The following DNAH14 variants were observed in gnomAD, a reference collection of about 807,000 sequenced individuals.
The protein encoded by DNAH14 is dynein axonemal heavy chain 14.
A neutral mutation model predicts 520.9 loss-of-function variants in DNAH14; 478 were observed. That is an observed-to-expected ratio of 0.92 (90% CI 0.85 to 0.99). DNAH14 has a LOEUF of 0.99. Among genes scored for constraint, DNAH14 ranks in the 50% least tolerant of loss-of-function variants. DNAH14 has a pLI of 0.00. For missense variants in DNAH14, 4,831 were observed against 5,234.5 expected (o/e 0.92, Z 2.38); for synonymous variants, 1,581 against 1,757.2 (o/e 0.90, Z 2.51).
intron 81 of DNAH14, among the ~76,000 whole-genome samples, chr1:225,387,403 A>G (rs1455482320): frequency 6.6e-6 from 1 of 152,088 alleles, no homozygotes; most frequent in Admixed American, 6.5e-5. Flanking sequence ...AAATAAATAA[A>G]TAAATAAGAA....
chr1:224,933,022 T>C (rs777013713), intron 1 of DNAH14, among the ~76,000 whole-genome samples: 1 of 152,160 alleles, frequency 6.6e-6, no homozygotes, highest in Non-Finnish European at 1.5e-5. Flanking sequence ...CTTTTGGCAA[T>C]ACGGTCATTT....
intron 55 of DNAH14, among the ~76,000 whole-genome samples, chr1:225,293,399 T>C (rs2093935746): frequency 6.6e-6 from 1 of 152,058 alleles, no homozygotes; most frequent in Non-Finnish European, 1.5e-5. Context: ...CTATTCACAA[T>C]AGCAAAGACA....
At chr1:225,389,050 G>A (rs952384072) in intron 82 of DNAH14, among the ~76,000 whole-genome samples, 7 of 152,168 alleles carry the variant, frequency 4.6e-5, no homozygotes, top group Admixed American at 1.3e-4. Flanking sequence ...GAGCCACCGC[G>A]CCCAGCCACA....
chr1:225,298,169 G>A (rs2094054279), intron 55 of DNAH14, among the ~76,000 whole-genome samples: 1 of 152,058 alleles, frequency 6.6e-6, no homozygotes, highest in South Asian at 2.1e-4. Context: ...TGCAGGCAAA[G>A]GTTTGCTTGG....
chr1:225,261,271 G>C (rs1466550700), intron 46 of DNAH14, among the ~76,000 whole-genome samples: 1 of 152,146 alleles, frequency 6.6e-6, no homozygotes, highest in Non-Finnish European at 1.5e-5. Context: ...TGTTAGCTGT[G>C]ATGTATCAGA....
At chr1:225,063,901 CA>C (rs71170055) in intron 17 of DNAH14, among the ~76,000 whole-genome samples, 128,330 of 150,588 alleles carry the variant, frequency 0.85, 58,161 homozygotes, top group Non-Finnish European at 1. Flanking sequence ...ACCTCCTCCC[CA>C]AAAAAAGATA....
intron 1 of DNAH14, among the ~76,000 whole-genome samples, chr1:224,937,857 G>C (rs2059142837): frequency 6.6e-6 from 1 of 152,036 alleles, no homozygotes; most frequent in African/African-American, 2.4e-5. Flanking sequence ...CAGATCCATA[G>C]ACCAATGGAA....
rs2094971977 is a variant in DNAH14 at position 225,335,652 on chromosome 1, CGCATATAT to C, written c.10081-1613_10081-1606del. Among the ~76,000 whole-genome samples the C allele has an allele frequency of 4.3e-5, 5 of 116,066 alleles. 1 individual carries two copies. The highest frequency in any genetic ancestry group is 5.2e-4 in the East Asian group (2 of 3,874). The allele number at this position is 116,066 out of a possible 152,430, so 76.1% of individuals were successfully genotyped here. On this transcript the variant is annotated intron_variant, in intron 66 of 85. Transcript: ENST00000682510. Reference sequence around the variant, plus strand: ...ATACATATGTGCATATATGTATATACGCATATATACATATGTGCATATATGTATATACG... The same window carrying C: ...ATACATATGTGCATATATGTATATACACATATGTGCATATATGTATATACG...
intron 21 of DNAH14, among the ~76,000 whole-genome samples, chr1:225,095,662 GA>G (rs2074896319): frequency 6.6e-6 from 1 of 152,088 alleles, no homozygotes; most frequent in Non-Finnish European, 1.5e-5. Flanking sequence ...CAGAAAAAGG[GA>G]ATGAACTATT....
At chr1:225,353,782 C>G in intron 72 of DNAH14, 21 bp from the exon 73 acceptor site, 1 of 1,286,620 alleles carries the variant, frequency 7.8e-7, no homozygotes, top group Non-Finnish European at 1.1e-6. Context: ...ATGCCAGTTT[C>G]TTTCTCTAAA....
At chr1:225,019,757 A>G (rs1482592523) in intron 10 of DNAH14, among the ~76,000 whole-genome samples, 1 of 152,208 alleles carries the variant, frequency 6.6e-6, no homozygotes, top group African/African-American at 2.4e-5. Context: ...CTTCTGAGTG[A>G]CTTTTGGTTA....
chr1:225,178,306 C>A (rs1347158969), intron 36 of DNAH14, among the ~76,000 whole-genome samples: 2 of 152,090 alleles, frequency 1.3e-5, no homozygotes, highest in Non-Finnish European at 2.9e-5. Context: ...CTGCGGTGGC[C>A]TCAGAATCAT....
rs1489725916 is a variant in DNAH14 at position 225,362,020 on chromosome 1, T to C, written c.11987+1129T>C. 2.0e-5 allele frequency among the ~76,000 whole-genome samples: 3 copies of C among 152,248 alleles called. No homozygotes were observed. In the East Asian group the frequency reaches 5.8e-4, roughly 29 times the overall value. On this transcript the variant is annotated intron_variant, in intron 75 of 85. Coordinates refer to ENST00000682510, the MANE Select transcript of DNAH14 (RefSeq NM_001367479.1). ...TGCCATGTCTTTCATTCATTATTCA[T>C]CCAAAAACTATTTATAGGGCATCTG...
At chr1:225,074,294 C>T (rs1177169625) in intron 17 of DNAH14, among the ~76,000 whole-genome samples, 6 of 152,170 alleles carry the variant, frequency 3.9e-5, no homozygotes, top group Admixed American at 1.3e-4. Context: ...CCACCGCGCC[C>T]GGCCTGTCTT....
chr1:225,174,371 A>G (rs2083079711), intron 36 of DNAH14, among the ~76,000 whole-genome samples: 1 of 152,186 alleles, frequency 6.6e-6, no homozygotes, highest in Admixed American at 6.6e-5. Flanking sequence ...TAAGTGTTTT[A>G]TAGATGATGA....
chr1:225,150,029 C>A (rs956220398), intron 31 of DNAH14, among the ~76,000 whole-genome samples: 4 of 152,118 alleles, frequency 2.6e-5, no homozygotes, highest in African/African-American at 9.7e-5. Flanking sequence ...ATGATGTTGG[C>A]TGTGAGTTTG....
At chr1:225,276,783 G>T (rs1336683812) in intron 53 of DNAH14, among the ~76,000 whole-genome samples, 1 of 150,462 alleles carries the variant, frequency 6.6e-6, no homozygotes, top group Non-Finnish European at 1.5e-5. Flanking sequence ...AGGCATTGTG[G>T]TGCCAGTGCC....
chr1:225,334,168 G>C (rs1402665054), intron 66 of DNAH14, among the ~76,000 whole-genome samples: 1 of 152,216 alleles, frequency 6.6e-6, no homozygotes, highest in African/African-American at 2.4e-5. Context: ...GCCAGGGGCA[G>C]TGGCTCATGC....
chr1:224,960,414 AT>A, intron 4 of DNAH14, 112 bp downstream of exon 4: 1 of 1,175,100 alleles, frequency 8.5e-7, no homozygotes, highest in Non-Finnish European at 1.1e-6. Flanking sequence ...GTCTTACTGA[AT>A]TTTATGTGTT....
Sources: gnomAD v4.1 joint callset for allele counts (sites outside exome capture counted in the v4.1 genomes callset) on GRCh38, gnomAD v4.1.1 for gene constraint, MANE v1.5 for transcripts, NCBI Gene and HGNC (gene_info 2026-07-23, HGNC 2026-07-21) for gene names.